Variants in POLQ observed in about 807,000 individuals in gnomAD.
The protein encoded by POLQ is DNA polymerase theta, also known as epididymis secretory sperm binding protein.
In POLQ, 233 loss-of-function variants were observed where a neutral mutation model predicts 259.2. That is an observed-to-expected ratio of 0.90 (90% CI 0.81 to 1.00). The LOEUF (loss-of-function observed/expected upper bound fraction) is 1.00, where lower values mean the gene tolerates loss of function less well. Ranked by LOEUF, POLQ falls within the 50% of genes least tolerant of loss-of-function variation. The probability of loss-of-function intolerance (pLI) is 0.00; values close to 1 mark genes in which losing one functional copy is unlikely to be tolerated. For missense variants in POLQ, 2,871 were observed against 3,051.6 expected (o/e 0.94, Z 1.39); for synonymous variants, 1,025 against 1,048.8 (o/e 0.98, Z 0.44).
chr3:121,537,697 G>A (rs763200466), intron 4 of POLQ, among the ~76,000 whole-genome samples: 1 of 152,130 alleles, frequency 6.6e-6, no homozygotes, highest in Non-Finnish European at 1.5e-5. Context: ...ATAAGATATT[G>A]AGATGCCAAT....
At chr3:121,494,308 A>G (rs1259062549) in intron 14 of POLQ, 2 of 1,597,558 alleles carry the variant, frequency 1.3e-6, no homozygotes, top group Admixed American at 1.7e-5. Flanking sequence ...AGCGGCAGAG[A>G]GCCATCCTCT....
intron 9 of POLQ, among the ~76,000 whole-genome samples, chr3:121,513,600 CAAAAAAAAAA>C (rs59962408): frequency 2.1e-4 from 11 of 51,570 alleles, no homozygotes; most frequent in East Asian, 8.4e-4. Flanking sequence ...GACTCTATCT[CAAAAAAAAAA>C]AAAAAAAAAA....
In POLQ at chr3:121,533,147, A is replaced by C. The variant is rs756207738; in HGVS notation, c.803T>G (p.Leu268Arg). 6.2e-7 allele frequency: 1 copy of C among 1,614,090 alleles called. No individual in the cohort carries two copies. The highest frequency in any genetic ancestry group is 2.2e-5 in the East Asian group (1 of 44,888). Residue 268 changes from leucine to arginine, a missense_variant, in exon 6 of 30, where the codon CTT becomes CGT. Coordinates refer to ENST00000264233, the MANE Select transcript of POLQ (RefSeq NM_199420.4). ...AVQIVGMSAT[L>R]PNLELVASWL... ...GGAAGCCACAAGCTCCAAATTAGGAAGGGTAGCACTCATGCCAACGATTTG... is the reference window on the plus strand; with the variant it reads ...GGAAGCCACAAGCTCCAAATTAGGACGGGTAGCACTCATGCCAACGATTTG...
chr3:121,518,366 CACTA>C (rs957233598), intron 9 of POLQ, among the ~76,000 whole-genome samples: 2 of 152,122 alleles, frequency 1.3e-5, no homozygotes, highest in African/African-American at 4.8e-5. Flanking sequence ...AAAAATATGG[CACTA>C]ACTAGCCCAT....
rs765821588 is a variant in POLQ at position 121,476,590 on chromosome 3, G to A, written c.6355C>T (p.Gln2119Ter). 6.2e-7 allele frequency: 1 copy of A among 1,613,894 alleles called. No homozygotes were observed. The highest frequency in any genetic ancestry group is 1.1e-5 in the South Asian group (1 of 91,066). ...KLDAIETQAY[Q>*]LAGHSFSFTS... ...AAAGAAAAACTGTGGCCAGCTAGTT[G>A]ATAGGCCTGGGTCTCAATTGCATCC... The change falls in exon 20 of 30, where the codon CAA becomes TAA. Residue 2119 changes from glutamine (Q) to a stop codon, truncating the protein, a stop_gained. Coordinates refer to ENST00000264233, the MANE Select transcript of POLQ (RefSeq NM_199420.4). LOFTEE classifies it high-confidence loss of function.
chr3:121,501,641 G>T (rs899377936), intron 12 of POLQ, among the ~76,000 whole-genome samples: 3 of 100,854 alleles, frequency 3.0e-5, no homozygotes, highest in African/African-American at 7.9e-5. Flanking sequence ...CAGCCTGGGC[G>T]ACAGAGCGAG....
chr3:121,515,268 T>A (rs900527484), intron 9 of POLQ, among the ~76,000 whole-genome samples: 2 of 152,152 alleles, frequency 1.3e-5, no homozygotes, highest in African/African-American at 4.8e-5. Context: ...GCTCAAGCGA[T>A]CCTTCCATCT....
intron 2 of POLQ, among the ~76,000 whole-genome samples, 198 bp downstream of exon 2, chr3:121,544,529 C>T (rs2048514662): frequency 6.6e-6 from 1 of 152,028 alleles, no homozygotes; most frequent in South Asian, 2.1e-4. Context: ...TTTCTTGCTT[C>T]CCTCCACCCC....
At chr3:121,458,219 A>G (rs888323085) in intron 25 of POLQ, among the ~76,000 whole-genome samples, 1 of 151,586 alleles carries the variant, frequency 6.6e-6, no homozygotes, top group Non-Finnish European at 1.5e-5. Context: ...GGAACATCAC[A>G]CTCTGGGGAC....
intron 26 of POLQ, among the ~76,000 whole-genome samples, chr3:121,446,448 T>C (rs2047633120): frequency 6.6e-6 from 1 of 152,190 alleles, no homozygotes; most frequent in Non-Finnish European, 1.5e-5. Flanking sequence ...TTAGGTCCAT[T>C]TGGTCTACAG....
At chr3:121,522,344 G>T (rs374480194) in intron 7 of POLQ, among the ~76,000 whole-genome samples, 195 bp from the exon 8 acceptor site, 21 of 84,124 alleles carry the variant, frequency 2.5e-4, no homozygotes, top group African/African-American at 8.3e-4. Flanking sequence ...TCGCTCTGTC[G>T]CCCAGGCCGG....
intron 19 of POLQ, 28 bp from the exon 20 acceptor site, chr3:121,476,761 T>G: frequency 6.6e-7 from 1 of 1,506,520 alleles, no homozygotes. Context: ...ATTAAAACGT[T>G]AATTCATTGG....
At chr3:121,445,295 C>G (rs1045902422) in intron 26 of POLQ, among the ~76,000 whole-genome samples, 3 of 152,066 alleles carry the variant, frequency 2.0e-5, no homozygotes, top group Admixed American at 1.3e-4. Flanking sequence ...TGTTCTTAGA[C>G]TGTTCAGGTT....
chr3:121,476,869 G>A (rs374148354), intron 19 of POLQ, 136 bp from the exon 20 acceptor site: 55 of 630,510 alleles, frequency 8.7e-5, no homozygotes, highest in Non-Finnish European at 1.2e-4. Context: ...CCAGTCTCCC[G>A]AGCAGCATCC....
rs1238784117 is a variant in POLQ, at chr3:121,489,444, C to T, written c.3487G>A (p.Val1163Ile). 3.7e-6 allele frequency: 6 copies of T among 1,614,034 alleles called. No homozygotes were observed. The highest frequency in any genetic ancestry group is 1.3e-5 in the African/African-American group (1 of 75,024). ...ACTTCATTTATTTTTTCTGCCTCAA[C>T]AGCTACTCCTCTGCCCTTTTCACTA... ...VVSEKGRGVA[V>I]EAEKINEVLI... Residue 1163 changes from valine to isoleucine, a missense_variant, in exon 16 of 30, where the codon GTT becomes ATT. By Grantham distance (29) the Val-to-Ile change is conservative (BLOSUM62 3). Transcript: ENST00000264233.
chr3:121,486,341 G>A (rs951399234), intron 16 of POLQ, among the ~76,000 whole-genome samples: 5 of 151,684 alleles, frequency 3.3e-5, no homozygotes, highest in Admixed American at 3.3e-4. Context: ...ACGAGGTCAG[G>A]GGATTGAGAC....
At position 121,440,007 on chromosome 3, in the gene POLQ, AG is replaced by A; in HGVS notation, c.7373del (p.Pro2458LeufsTer15). 1 of 1,613,366 alleles carries A rather than the reference AG, an allele frequency of 6.2e-7. No homozygotes were observed. Among genetic ancestry groups the A allele is most frequent in the South Asian group, 1.1e-5 (1 of 90,916 alleles). On this transcript the variant is annotated frameshift_variant, in exon 27 of 30. Transcript: ENST00000264233. LOFTEE classifies it high-confidence loss of function. ...TTCAACATACGTGAGCTTTACGATA[AG>A]GGTTGTTGTCTTTGATTCCTGGCAA... is the stretch of plus-strand genomic sequence containing the variant. ...RYLPGIKDNNPYRKAHAERQA... is the reference protein window; with the variant it reads ...RYLPGIKDNNXYRKAHAERQA...
chr3:121,515,790 A>G (rs1391513679), intron 9 of POLQ, among the ~76,000 whole-genome samples: 1 of 152,208 alleles, frequency 6.6e-6, no homozygotes, highest in African/African-American at 2.4e-5. Context: ...GGAAGCCAAG[A>G]TACCTTCAAA....
intron 1 of POLQ, 76 bp from the exon 2 acceptor site, chr3:121,544,982 G>T: frequency 1.1e-6 from 1 of 869,602 alleles, no homozygotes; most frequent in Non-Finnish European, 1.8e-6. Context: ...TTCACCGTGT[G>T]TTGGAATTCC....
Sources: gnomAD v4.1 joint callset for allele counts (sites outside exome capture counted in the v4.1 genomes callset) on GRCh38, gnomAD v4.1.1 for gene constraint, MANE v1.5 for transcripts, NCBI Gene and HGNC (gene_info 2026-07-23, HGNC 2026-07-21) for gene names.